Variants in PTPRN2 observed in about 807,000 individuals in gnomAD.
PTPRN2 encodes protein tyrosine phosphatase receptor type N2.
In PTPRN2, 74 loss-of-function variants were observed where a neutral mutation model predicts 118.8. The ratio of observed to expected loss-of-function variants is 0.62; its 90% confidence interval spans 0.52 to 0.76. The LOEUF (loss-of-function observed/expected upper bound fraction) is 0.76. PTPRN2 is among the 30% of genes least tolerant of loss of function. PTPRN2 has a pLI of 0.00. For missense variants in PTPRN2, 1,481 were observed against 1,394.4 expected (o/e 1.06, Z -0.99); for synonymous variants, 641 against 608.0 (o/e 1.05, Z -0.80).
In PTPRN2 at chr7:157,627,582, G is replaced by A. The variant is rs577957656; in HGVS notation, c.2197-6073C>T. 6.6e-6 allele frequency among the ~76,000 whole-genome samples: 1 copy of A among 152,246 alleles called. No homozygotes were observed. The highest frequency in any genetic ancestry group is 2.4e-5 in the African/African-American group (1 of 41,540). ...TTTGGGTTTTGAAGGGCTCTTGGCTGGGAGAACTCAGTCTGACATTTTCAT... is the reference window on the plus strand; with the variant it reads ...TTTGGGTTTTGAAGGGCTCTTGGCTAGGAGAACTCAGTCTGACATTTTCAT... On this transcript the variant is annotated intron_variant, in intron 14 of 22. Transcript: ENST00000389418. The surrounding 1 kb of genome is among the most constrained non-coding windows in gnomAD (Gnocchi z 4.2).
At chr7:158,127,186 C>T (rs952644219) in intron 9 of PTPRN2, among the ~76,000 whole-genome samples, 2 of 152,236 alleles carry the variant, frequency 1.3e-5, no homozygotes. Context: ...GCTCCAACCT[C>T]TCCAGCTTCC....
At chr7:157,709,377 C>G (rs914077955) in intron 12 of PTPRN2, among the ~76,000 whole-genome samples, 8 of 152,230 alleles carry the variant, frequency 5.3e-5, no homozygotes, top group African/African-American at 1.9e-4. Flanking sequence ...TTCTTTCAGT[C>G]CTGGTCCTCC....
At chr7:157,643,793 A>G (rs1013286854) in intron 14 of PTPRN2, among the ~76,000 whole-genome samples, 5 of 152,238 alleles carry the variant, frequency 3.3e-5, no homozygotes, top group African/African-American at 1.2e-4. Context: ...GGTGGTGTCT[A>G]AAGTGGCTCA....
At chr7:158,025,513 A>G (rs1382274205) in intron 11 of PTPRN2, among the ~76,000 whole-genome samples, 3 of 152,192 alleles carry the variant, frequency 2.0e-5, no homozygotes, top group African/African-American at 7.2e-5. Context: ...CCCTGTGGGA[A>G]CACAACTGCT....
intron 12 of PTPRN2, among the ~76,000 whole-genome samples, chr7:157,825,081 C>T (rs1807085345): frequency 6.6e-6 from 1 of 152,216 alleles, no homozygotes; most frequent in Non-Finnish European, 1.5e-5. Flanking sequence ...GCTGGTCTTC[C>T]TCTGCTTCCT....
rs1015890678 is a variant in PTPRN2 at position 157,801,674 on chromosome 7, C to T, written c.1788+96999G>A. 3.3e-5 allele frequency among the ~76,000 whole-genome samples: 5 copies of T among 152,082 alleles called. No individual in the cohort carries two copies. The highest frequency in any genetic ancestry group is 6.6e-5 in the Admixed American group (1 of 15,260). On this transcript the variant is annotated intron_variant, in intron 12 of 22. Transcript: ENST00000389418. This position sits in a 1 kb window ranked among gnomAD's most constrained non-coding sequence, Gnocchi z 4.2. The stretch of plus-strand genomic sequence containing the variant: ...TCTCTAGGGAAAAATTTGATGGGCA[C>T]GCTATGATTTATTGCCAAATGATAT...
At chr7:157,809,220 T>A (rs1202690895) in intron 12 of PTPRN2, among the ~76,000 whole-genome samples, 1 of 151,920 alleles carries the variant, frequency 6.6e-6, no homozygotes, top group Non-Finnish European at 1.5e-5. Flanking sequence ...CAGGAGGCTG[T>A]GACTCTGGCC....
rs140804096 is a variant in PTPRN2 at position 158,477,288 on chromosome 7, A to C, written c.163+12447T>G. Among the ~76,000 whole-genome samples, 242 of 152,340 alleles carry C rather than the reference A, an allele frequency of 1.6e-3. 2 individuals carry two copies. Among genetic ancestry groups the C allele is most frequent in the African/African-American group, 5.7e-3 (239 of 41,576 alleles). On this transcript the variant is annotated intron_variant, in intron 2 of 22. Transcript: ENST00000389418. The stretch of plus-strand genomic sequence containing the variant: ...AGACCATTTCAGGGCCCTGGCTGCT[A>C]GATTTTCTTCATTAAGCACATATCA...
At chr7:158,085,161 C>T (rs377001950) in intron 10 of PTPRN2, among the ~76,000 whole-genome samples, 1,782 of 122,762 alleles carry the variant, frequency 0.015, 66 homozygotes, top group African/African-American at 0.056. Context: ...CCTCGACGCC[C>T]ATCCAGATAC....
intron 12 of PTPRN2, among the ~76,000 whole-genome samples, chr7:157,757,101 T>G (rs377713839): frequency 6.8e-6 from 1 of 147,724 alleles, no homozygotes; most frequent in Non-Finnish European, 1.5e-5. Flanking sequence ...AAGATAAAAG[T>G]TTTTTTTTAA....
At chr7:157,984,052 G>C (rs1473322893) in intron 11 of PTPRN2, among the ~76,000 whole-genome samples, 3 of 152,132 alleles carry the variant, frequency 2.0e-5, no homozygotes, top group African/African-American at 4.8e-5. Flanking sequence ...GGGTGCACTT[G>C]CACAGCCAAG....
chr7:157,995,795 C>T (rs747512604), intron 11 of PTPRN2, among the ~76,000 whole-genome samples: 23 of 152,320 alleles, frequency 1.5e-4, no homozygotes, highest in Admixed American at 2.0e-4. Flanking sequence ...CTGACTTCTA[C>T]GGCAAACTCA....
chr7:157,891,505 AACAC>A (rs1796806067), intron 12 of PTPRN2, among the ~76,000 whole-genome samples: 2 of 133,706 alleles, frequency 1.5e-5, no homozygotes, highest in Non-Finnish European at 3.1e-5. Flanking sequence ...CATCCCAGGT[AACAC>A]ACACATCACA....
At chr7:157,853,756 A>C (rs1171718501) in intron 12 of PTPRN2, among the ~76,000 whole-genome samples, 2 of 152,168 alleles carry the variant, frequency 1.3e-5, no homozygotes, top group Non-Finnish European at 2.9e-5. Flanking sequence ...TTTTGGGATG[A>C]ATTGAGTTCC....
chr7:157,942,167 ACAGGGG>A (rs1800179948), intron 11 of PTPRN2, among the ~76,000 whole-genome samples: 1 of 34,856 alleles, frequency 2.9e-5, no homozygotes, highest in East Asian at 1.8e-3. Flanking sequence ...CCCTCCACAC[ACAGGGG>A]TCCTCGGCCC....
chr7:157,830,594 G>A (rs1009440747), intron 12 of PTPRN2, among the ~76,000 whole-genome samples: 2 of 152,198 alleles, frequency 1.3e-5, no homozygotes, highest in African/African-American at 4.8e-5. Flanking sequence ...AGCTGCCGGA[G>A]GCACACACAT....
In PTPRN2 at chr7:158,352,351, C is replaced by T. The variant is rs535973875; in HGVS notation, c.164-35419G>A. Among the ~76,000 whole-genome samples, 15 of 151,442 alleles carry T rather than the reference C, an allele frequency of 9.9e-5. No homozygotes were observed. The East Asian group carries it at 1.6e-3, about 16-fold the overall frequency. On this transcript the variant is annotated intron_variant, in intron 2 of 22. Coordinates refer to ENST00000389418, the MANE Select transcript of PTPRN2 (RefSeq NM_002847.5). ...CCCTCCTGACCGCTCCCCTCCTGTC[C>T]GCTCCCCTCCTGACCACTCCCCTCC...
intron 3 of PTPRN2, among the ~76,000 whole-genome samples, chr7:158,263,302 CGT>C (rs1248476461): frequency 6.6e-5 from 10 of 152,292 alleles, no homozygotes; most frequent in South Asian, 6.2e-4. Context: ...ATGTGCACAC[CGT>C]GTGTGGGTGT....
chr7:158,171,167 CAT>C (rs1823566736), intron 5 of PTPRN2, among the ~76,000 whole-genome samples: 5 of 134,090 alleles, frequency 3.7e-5, no homozygotes, highest in African/African-American at 1.1e-4. Flanking sequence ...TATATACACA[CAT>C]ATATACACAT....
Sources: allele counts gnomAD v4.1 joint callset (sites outside exome capture counted in the v4.1 genomes callset), GRCh38; gene constraint gnomAD v4.1.1; non-coding constraint Gnocchi (gnomAD v3.1); transcripts MANE v1.5; gene names NCBI Gene and HGNC (gene_info 2026-07-23, HGNC 2026-07-21).